Variants in SMARCD3 observed in about 807,000 individuals in gnomAD.
The protein encoded by SMARCD3 is SWI/SNF related BAF chromatin remodeling complex subunit D3.
SMARCD3 carries 14 observed loss-of-function variants against 58.0 expected under a neutral mutation model. The ratio of observed to expected loss-of-function variants is 0.24; its 90% CI spans 0.16 to 0.38. SMARCD3 has a LOEUF of 0.38. Ranked by LOEUF, SMARCD3 falls within the 10% of genes least tolerant of loss-of-function variation. SMARCD3 has a pLI of 1.00. For missense variants in SMARCD3, 408 were observed against 636.9 expected (o/e 0.64, Z 3.87); for synonymous variants, 253 against 253.8 (o/e 1.00, Z 0.03).
chr7:151,239,599 G>A lies in SMARCD3; in HGVS notation c.1296+25C>T, dbSNP rs1802850601. The A allele has an allele frequency of 6.2e-7, 1 of 1,613,950 alleles. No individual in the cohort carries two copies. Among genetic ancestry groups the A allele is most frequent in the Non-Finnish European group, 8.5e-7 (1 of 1,179,928 alleles). On this transcript the variant is annotated intron_variant, in intron 11 of 12. Transcript: ENST00000262188. This position sits in a 1 kb window ranked among gnomAD's most constrained non-coding sequence, Gnocchi z 7.0. ...CCCGCTGTGCTTGTCTTCCACTCCA[G>A]TACTCCCTGAGTCTCCCTCTTCACC...
In SMARCD3 at chr7:151,243,783, C is replaced by T; in HGVS notation, c.291-82G>A. ...GAGGCCACCTGCTAGATTATCCCGACATCTCCGCCCGCCTGGCTGGGGTTC... is the reference window on the plus strand; with the variant it reads ...GAGGCCACCTGCTAGATTATCCCGATATCTCCGCCCGCCTGGCTGGGGTTC... On this transcript the variant is annotated intron_variant, in intron 2 of 12. Transcript: ENST00000262188. The surrounding 1 kb of genome is among the most constrained non-coding windows in gnomAD (Gnocchi z 4.4). 3.2e-6 allele frequency: 3 copies of T among 951,482 alleles called. No individual in the cohort carries two copies. Among genetic ancestry groups the T allele is most frequent in the South Asian group, 1.3e-5 (1 of 77,668 alleles). The allele number at this position is 951,482 out of a possible 1,614,324, so 58.9% of individuals were successfully genotyped here.
At chr7:151,254,225 C>G (rs575670462) in intron 2 of SMARCD3, 1 of 152,496 alleles carries the variant, frequency 6.6e-6, no homozygotes, top group Non-Finnish European at 1.5e-5. Flanking sequence ...CCTGCCCTGC[C>G]CCAGCCGTGT....
intron 2 of SMARCD3, among the ~76,000 whole-genome samples, chr7:151,270,456 G>A (rs1455420006): frequency 6.6e-6 from 1 of 152,226 alleles, no homozygotes; most frequent in Non-Finnish European, 1.5e-5. Flanking sequence ...TCTGTACTGT[G>A]TGGAACAAGA....
At chr7:151,267,143 T>C (rs1804107340) in intron 2 of SMARCD3, among the ~76,000 whole-genome samples, 1 of 152,214 alleles carries the variant, frequency 6.6e-6, no homozygotes, top group South Asian at 2.1e-4. Flanking sequence ...TTATGTATCA[T>C]ACCCTAAAGA....
At chr7:151,263,819 G>C (rs138377375) in intron 2 of SMARCD3, among the ~76,000 whole-genome samples, 23 of 152,268 alleles carry the variant, frequency 1.5e-4, no homozygotes, top group African/African-American at 5.5e-4. Context: ...AATGCAATGA[G>C]GACCATAGTA....
chr7:151,248,860 C>A (rs1434161671), upstream of SMARCD3: 1 of 204,354 alleles, frequency 4.9e-6, no homozygotes, highest in Non-Finnish European at 8.8e-6. The surrounding 1 kb of genome is among the most constrained non-coding windows in gnomAD (Gnocchi z 6.1). Flanking sequence ...ACGGGGCCGC[C>A]TGCCTTTCCA....
In SMARCD3 at chr7:151,239,809, G is replaced by C; in HGVS notation, c.1174-63C>G. The C allele has an allele frequency of 6.7e-7, 1 of 1,485,650 alleles. No homozygotes were observed. Among genetic ancestry groups the C allele is most frequent in the Admixed American group, 1.7e-5 (1 of 59,494 alleles). The allele number at this position is 1,485,650 out of a possible 1,614,324, so 92.0% of individuals were successfully genotyped here. ...GGTGATGTGGGAGACGAGGGGAAAG[G>C]AAGCGGGTGGGAAGGGGAGGGAGAG... On this transcript the variant is annotated intron_variant, in intron 10 of 12. Transcript: ENST00000262188. The surrounding 1 kb of genome is among the most constrained non-coding windows in gnomAD (Gnocchi z 7.0).
chr7:151,243,892 T>C lies in SMARCD3; in HGVS notation c.291-191A>G, dbSNP rs1309159227. Among the ~76,000 whole-genome samples, 1 of 151,680 alleles carries C rather than the reference T, an allele frequency of 6.6e-6. No individual in the cohort carries two copies. Among genetic ancestry groups the C allele is most frequent in the African/African-American group, 2.4e-5 (1 of 41,218 alleles). ...TCTGTCCTCTCTCAGGACACAGGAG[T>C]GACCCATCCATTCTCTGGCCTGGGA... On this transcript the variant is annotated intron_variant, in intron 2 of 12. Coordinates refer to ENST00000262188, the MANE Select transcript of SMARCD3 (RefSeq NM_001003801.2). The surrounding 1 kb of genome is among the most constrained non-coding windows in gnomAD (Gnocchi z 4.4).
rs781013031 is a variant in SMARCD3, at chr7:151,242,257, G to A, written c.580-25C>T. The A allele has an allele frequency of 1.3e-6, 2 of 1,589,450 alleles. No homozygotes were observed. The highest frequency in any genetic ancestry group is 2.2e-5 in the South Asian group (2 of 90,610). On this transcript the variant is annotated intron_variant, in intron 5 of 12. Transcript: ENST00000262188. This position sits in a 1 kb window ranked among gnomAD's most constrained non-coding sequence, Gnocchi z 4.7. ...GCTGTGGGAGAGCAACAGGGACCATGGGGGCAGAACAGGGACGAGGTGGGA... is the reference window on the plus strand; with the variant it reads ...GCTGTGGGAGAGCAACAGGGACCATAGGGGCAGAACAGGGACGAGGTGGGA...
rs1389746449 is a variant in SMARCD3 at position 151,248,200 on chromosome 7, G to A, written c.78+285C>T. ...CGAAAGTCAACCTGTCGGCTACAGCGAGGACCCCCTACTTGGGGGGTAGAG... is the reference window on the plus strand; with the variant it reads ...CGAAAGTCAACCTGTCGGCTACAGCAAGGACCCCCTACTTGGGGGGTAGAG... On this transcript the variant is annotated intron_variant, in intron 1 of 12. Coordinates refer to ENST00000262188, the MANE Select transcript of SMARCD3 (RefSeq NM_001003801.2). This position sits in a 1 kb window ranked among gnomAD's most constrained non-coding sequence, Gnocchi z 6.1. 6.6e-6 allele frequency among the ~76,000 whole-genome samples: 1 copy of A among 151,368 alleles called. No homozygotes were observed. Among genetic ancestry groups the A allele is most frequent in the Admixed American group, 6.6e-5 (1 of 15,244 alleles).
At chr7:151,274,373 C>T (rs1367703474) in intron 2 of SMARCD3, among the ~76,000 whole-genome samples, 1 of 152,228 alleles carries the variant, frequency 6.6e-6, no homozygotes, top group Non-Finnish European at 1.5e-5. Context: ...CTCAGTGTGT[C>T]CTTCTGGACA....
intron 2 of SMARCD3, among the ~76,000 whole-genome samples, chr7:151,258,878 A>T (rs756458698): frequency 9.9e-5 from 15 of 152,016 alleles, no homozygotes; most frequent in Admixed American, 1.3e-4. Context: ...GCCTTTGTTC[A>T]CATGTCTCCT....
chr7:151,257,349 AGGGCCACC>A (rs1803734257), intron 2 of SMARCD3, among the ~76,000 whole-genome samples: 1 of 152,230 alleles, frequency 6.6e-6, no homozygotes, highest in African/African-American at 2.4e-5. Flanking sequence ...TGCTCCTGGC[AGGGCCACC>A]GGTAGCCTCC....
At chr7:151,267,652 T>C (rs1795040295) in intron 2 of SMARCD3, among the ~76,000 whole-genome samples, 1 of 152,174 alleles carries the variant, frequency 6.6e-6, no homozygotes, top group Non-Finnish European at 1.5e-5. Flanking sequence ...TGCATTTTGT[T>C]TATAATTTCA....
intron 2 of SMARCD3, among the ~76,000 whole-genome samples, chr7:151,270,246 C>T (rs945525612): frequency 2.6e-5 from 4 of 152,090 alleles, no homozygotes; most frequent in African/African-American, 7.2e-5. Context: ...AGGAGGGAGA[C>T]GCGGGGCACA....
upstream of SMARCD3, among the ~76,000 whole-genome samples, chr7:151,251,310 C>A (rs899258734): frequency 6.6e-6 from 1 of 152,138 alleles, no homozygotes; most frequent in Non-Finnish European, 1.5e-5. Flanking sequence ...TGCACACACA[C>A]CCTCCCAACA....
upstream of SMARCD3, among the ~76,000 whole-genome samples, chr7:151,252,710 C>T (rs992172678): frequency 8.6e-5 from 11 of 127,610 alleles, no homozygotes; most frequent in African/African-American, 3.1e-4. Context: ...CCTCTGGTGA[C>T]GGTCAGCAGA....
intron 8 of SMARCD3, 165 bp from the exon 9 acceptor site, chr7:151,240,687 A>G: frequency 1.7e-6 from 1 of 584,618 alleles, no homozygotes; most frequent in Non-Finnish European, 3.0e-6. Flanking sequence ...TGGTGGAGCC[A>G]CCGGTATGGC....
At chr7:151,267,839 T>C (rs1435327131) in intron 2 of SMARCD3, among the ~76,000 whole-genome samples, 2 of 152,104 alleles carry the variant, frequency 1.3e-5, no homozygotes, top group African/African-American at 4.8e-5. Context: ...TAGCCGGGTA[T>C]GGTGGTGCAC....
Sources: allele counts gnomAD v4.1 joint callset (sites outside exome capture counted in the v4.1 genomes callset), GRCh38; gene constraint gnomAD v4.1.1; non-coding constraint Gnocchi (gnomAD v3.1); transcripts MANE v1.5; gene names NCBI Gene and HGNC (gene_info 2026-07-23, HGNC 2026-07-21).